The following SQOR variants were observed in gnomAD, a reference collection of about 807,000 sequenced individuals.
SQOR encodes the protein sulfide quinone oxidoreductase, also known as sulfide:quinone oxidoreductase, mitochondrial.
Under a neutral mutation model 48.6 loss-of-function variants are expected in SQOR, and 39 were observed. The ratio of observed to expected loss-of-function variants is 0.80; its 90% CI spans 0.62 to 1.05. The LOEUF (loss-of-function observed/expected upper bound fraction) is 1.05. Ranked by LOEUF, SQOR falls within the 50% of genes least tolerant of loss-of-function variation. The pLI is 0.00. For synonymous variants in SQOR, 220 were observed against 206.2 expected (o/e 1.07, Z -0.57); for missense variants, 561 against 559.9 (o/e 1.00, Z -0.02).
chr15:45,673,819 G>C lies in SQOR; in HGVS notation c.654+18G>C, dbSNP rs1431354912. On this transcript the variant is annotated intron_variant, in intron 5 of 9. Transcript: ENST00000260324. ...TCAGGAAGGTATGCTTCCTTTCTGG[G>C]GACAGAGATGAGCAGGGCGGACAGT... The C allele has an allele frequency of 9.3e-6, 15 of 1,612,412 alleles. No homozygotes were observed. Among genetic ancestry groups the C allele is most frequent in the Non-Finnish European group, 1.2e-5 (14 of 1,178,970 alleles).
chr15:45,676,966 A>G (rs1283733071), intron 6 of SQOR, among the ~76,000 whole-genome samples: 1 of 151,852 alleles, frequency 6.6e-6, no homozygotes. Context: ...GCTGGAACCC[A>G]GAAGGCGGAG....
intron 2 of SQOR, 146 bp from the exon 3 acceptor site, chr15:45,661,809 A>G: frequency 1.4e-6 from 1 of 719,586 alleles, no homozygotes; most frequent in Non-Finnish European, 2.2e-6. Context: ...CGCCTAATAG[A>G]CGGAGCTAAC....
intron 1 of SQOR, among the ~76,000 whole-genome samples, chr15:45,655,920 T>A (rs1009604919): frequency 6.6e-6 from 1 of 151,954 alleles, no homozygotes; most frequent in Admixed American, 6.6e-5. Context: ...CTCCTGACCT[T>A]GTGATCCGCC....
intron 6 of SQOR, among the ~76,000 whole-genome samples, chr15:45,677,330 G>A (rs1337410687): frequency 9.2e-5 from 14 of 152,014 alleles, no homozygotes; most frequent in Non-Finnish European, 4.4e-5. Context: ...ATACTTTAGT[G>A]TTAATTTTCT....
At chr15:45,644,397 G>A (rs1490696815) in intron 1 of SQOR, among the ~76,000 whole-genome samples, 5 of 152,146 alleles carry the variant, frequency 3.3e-5, no homozygotes, top group South Asian at 2.1e-4. Flanking sequence ...TTAAGATGCC[G>A]CCTGACAGTT....
At chr15:45,677,731 C>G (rs541079135) in intron 6 of SQOR, among the ~76,000 whole-genome samples, 1 of 152,168 alleles carries the variant, frequency 6.6e-6, no homozygotes, top group Non-Finnish European at 1.5e-5. Flanking sequence ...GACGAAGTCT[C>G]GCTGTGTTAC....
chr15:45,637,686 C>T (rs903973520), intron 1 of SQOR, among the ~76,000 whole-genome samples: 20 of 152,050 alleles, frequency 1.3e-4, no homozygotes, highest in African/African-American at 4.8e-4. Flanking sequence ...TGGTGTTCTG[C>T]CAGTGAAAAT....
At chr15:45,669,132 T>A (rs895889231) in intron 3 of SQOR, among the ~76,000 whole-genome samples, 5 of 148,950 alleles carry the variant, frequency 3.4e-5, no homozygotes, top group Admixed American at 6.7e-5. Flanking sequence ...TAATATACAA[T>A]ATACTAATAT....
In SQOR at chr15:45,653,217, C is replaced by G. The variant is rs1254324649; in HGVS notation, c.-17-5690C>G. 2.0e-5 allele frequency among the ~76,000 whole-genome samples: 3 copies of G among 152,288 alleles called. No individual in the cohort carries two copies. In the East Asian group the frequency reaches 5.8e-4, roughly 30 times the overall value. On this transcript the variant is annotated intron_variant, in intron 1 of 9. Coordinates refer to ENST00000260324, the MANE Select transcript of SQOR (RefSeq NM_021199.4). ...AGTGGAGGCCCCGTAGTTTAAAGCTCAGTCCCACAAGACTGCCCTCACTTC... is the reference window on the plus strand; with the variant it reads ...AGTGGAGGCCCCGTAGTTTAAAGCTGAGTCCCACAAGACTGCCCTCACTTC...
At chr15:45,633,708 A>G (rs1372544636), upstream of SQOR, among the ~76,000 whole-genome samples, 2 of 151,004 alleles carry the variant, frequency 1.3e-5, no homozygotes, top group African/African-American at 4.9e-5. Flanking sequence ...AAAAAAAAAA[A>G]AAAAAGAAGA....
intron 5 of SQOR, 41 bp from the exon 6 acceptor site, chr15:45,676,060 C>T: frequency 6.5e-7 from 1 of 1,536,396 alleles, no homozygotes. Flanking sequence ...AAGGCAGCTG[C>T]AGTCATGCTT....
At chr15:45,651,610 C>T (rs942273247) in intron 1 of SQOR, among the ~76,000 whole-genome samples, 5 of 152,228 alleles carry the variant, frequency 3.3e-5, no homozygotes, top group Non-Finnish European at 7.3e-5. Flanking sequence ...CAGGCATGTG[C>T]CACTATGCCC....
chr15:45,672,134 T>C (rs888758084), intron 4 of SQOR, among the ~76,000 whole-genome samples: 1 of 152,090 alleles, frequency 6.6e-6, no homozygotes, highest in African/African-American at 2.4e-5. Context: ...TGTTTCTGCT[T>C]GTTTATCTCT....
Position 45,659,054 on chromosome 15 carries a change from A to T in SQOR, c.131A>T (p.Tyr44Phe). 6.3e-7 allele frequency: 1 copy of T among 1,598,916 alleles called. No individual in the cohort carries two copies. The highest frequency in any genetic ancestry group is 1.1e-5 in the South Asian group (1 of 88,464). The change falls in exon 2 of 10, where the codon TAT (tyrosine) becomes TTT (phenylalanine). Residue 44 changes from tyrosine to phenylalanine, a missense_variant. By Grantham distance (22) the Tyr-to-Phe change is conservative (BLOSUM62 3). Coordinates refer to ENST00000260324, the MANE Select transcript of SQOR (RefSeq NM_021199.4). ...GCCAGCCATGCGGCCAGGAACCATT[A>T]TGAGGTGCTGGTGCTGGGTGGGGGC... The part of the protein sequence containing the change: ...TGASHAARNH[Y>F]EVLVLGGGSG...
chr15:45,654,151 A>G (rs889979943), intron 1 of SQOR, among the ~76,000 whole-genome samples: 1 of 150,754 alleles, frequency 6.6e-6, no homozygotes. Context: ...TTAAAAAATT[A>G]TGATTCTGCA....
chr15:45,638,660 G>A (rs1895051014), intron 1 of SQOR, among the ~76,000 whole-genome samples: 2 of 151,682 alleles, frequency 1.3e-5, no homozygotes, highest in African/African-American at 4.8e-5. Flanking sequence ...AGAGGAGGAA[G>A]TTGCATTGAG....
At chr15:45,656,003 CG>C (rs1265841915) in intron 1 of SQOR, among the ~76,000 whole-genome samples, 5 of 149,558 alleles carry the variant, frequency 3.3e-5, no homozygotes, top group Non-Finnish European at 7.4e-5. Context: ...TTTTTTTCCC[CG>C]TTTAACATTA....
chr15:45,635,695 A>ACCTGGCTT (rs1434269669), intron 1 of SQOR, among the ~76,000 whole-genome samples: 3 of 152,126 alleles, frequency 2.0e-5, no homozygotes, highest in Non-Finnish European at 4.4e-5. Context: ...TATTTATCAA[A>ACCTGGCTT]ATTCCAACCT....
intron 3 of SQOR, among the ~76,000 whole-genome samples, chr15:45,668,396 T>G (rs1217347338): frequency 2.0e-5 from 3 of 152,262 alleles, no homozygotes; most frequent in Non-Finnish European, 2.9e-5. Flanking sequence ...TTTAATTTAG[T>G]GACTGTGCTA....
Sources: allele counts gnomAD v4.1 joint callset (sites outside exome capture counted in the v4.1 genomes callset), GRCh38; gene constraint gnomAD v4.1.1; transcripts MANE v1.5; gene names NCBI Gene and HGNC (gene_info 2026-07-23, HGNC 2026-07-21).